Variants in TRDN observed in about 807,000 individuals in gnomAD.
TRDN encodes the protein triadin in skeletal muscle.
In TRDN, 161 loss-of-function variants were observed where a neutral mutation model predicts 149.7. That is an observed-to-expected ratio of 1.08 (90% CI 0.95 to 1.23). The LOEUF (loss-of-function observed/expected upper bound fraction) is 1.23. TRDN is among the 50% of genes most tolerant of loss of function. TRDN has a pLI of 0.00. For synonymous variants in TRDN, 294 were observed against 250.5 expected (o/e 1.17, Z -1.64); for missense variants, 896 against 823.5 (o/e 1.09, Z -1.08).
chr6:123,487,123 T>C (rs1778009170), intron 9 of TRDN, among the ~76,000 whole-genome samples: 2 of 152,024 alleles, frequency 1.3e-5, no homozygotes, highest in African/African-American at 4.8e-5. Flanking sequence ...CAGAGAGCCA[T>C]GTGCTGTAAA....
chr6:123,499,382 A>G (rs1055218288), intron 8 of TRDN, among the ~76,000 whole-genome samples: 1 of 152,068 alleles, frequency 6.6e-6, no homozygotes, highest in East Asian at 1.9e-4. Context: ...AAATATTATC[A>G]AAGTACAGTC....
intron 1 of TRDN, among the ~76,000 whole-genome samples, chr6:123,617,886 C>T (rs953517157): frequency 2.0e-5 from 3 of 151,872 alleles, no homozygotes; most frequent in African/African-American, 4.8e-5. Context: ...GACAGGTGCC[C>T]GCCAACACAC....
chr6:123,249,735 C>T (rs1466238329), intron 38 of TRDN, among the ~76,000 whole-genome samples: 1 of 151,906 alleles, frequency 6.6e-6, no homozygotes, highest in Admixed American at 6.6e-5. Context: ...ATGATGTGTA[C>T]ACATGGACAT....
intron 10 of TRDN, among the ~76,000 whole-genome samples, chr6:123,446,986 G>A (rs992280812): frequency 6.6e-6 from 1 of 152,014 alleles, no homozygotes; most frequent in African/African-American, 2.4e-5. Context: ...TAGCAACATG[G>A]TAAGAGTACC....
intron 24 of TRDN, among the ~76,000 whole-genome samples, chr6:123,287,383 T>G (rs1054709943): frequency 2.5e-4 from 38 of 152,144 alleles, no homozygotes; most frequent in Non-Finnish European, 8.8e-5. Flanking sequence ...AAGGCAGTGG[T>G]TCTCAAACAA....
intron 38 of TRDN, among the ~76,000 whole-genome samples, chr6:123,244,737 A>G (rs984294387): frequency 6.6e-6 from 1 of 152,178 alleles, no homozygotes; most frequent in African/African-American, 2.4e-5. Flanking sequence ...TTCAGGAAAT[A>G]CAGAGAACAC....
chr6:123,467,296 A>T (rs186202780), intron 9 of TRDN, among the ~76,000 whole-genome samples: 1 of 150,926 alleles, frequency 6.6e-6, no homozygotes, highest in African/African-American at 2.4e-5. Context: ...GAGGGATTCC[A>T]GGTGGAAGGT....
intron 38 of TRDN, among the ~76,000 whole-genome samples, chr6:123,235,352 T>C (rs1159036011): frequency 6.6e-6 from 1 of 151,974 alleles, no homozygotes; most frequent in Admixed American, 6.6e-5. Flanking sequence ...CCTGTGACCT[T>C]GGGAAACTGA....
intron 24 of TRDN, among the ~76,000 whole-genome samples, chr6:123,301,458 C>T (rs1297456021): frequency 6.6e-6 from 1 of 151,690 alleles, no homozygotes; most frequent in African/African-American, 2.4e-5. Context: ...CTTTGTGAGT[C>T]CACTTCCCTG....
chr6:123,569,545 G>T (rs778973941), intron 2 of TRDN, among the ~76,000 whole-genome samples: 1 of 152,068 alleles, frequency 6.6e-6, no homozygotes, highest in East Asian at 1.9e-4. Context: ...CTTAAGACTG[G>T]GTAATTTATA....
intron 12 of TRDN, among the ~76,000 whole-genome samples, chr6:123,413,833 T>C (rs896187687): frequency 6.6e-6 from 1 of 152,116 alleles, no homozygotes; most frequent in Admixed American, 6.5e-5. Context: ...TAGTCAACAG[T>C]GTCAAATGCA....
chr6:123,596,409 A>G (rs1784039628), intron 1 of TRDN, among the ~76,000 whole-genome samples: 1 of 152,086 alleles, frequency 6.6e-6, no homozygotes, highest in Non-Finnish European at 1.5e-5. Context: ...AATGTAGAGG[A>G]TATATGCTGC....
At chr6:123,503,697 G>C (rs1251420235) in intron 8 of TRDN, 22 bp downstream of exon 8, 1 of 1,613,240 alleles carries the variant, frequency 6.2e-7, no homozygotes, top group East Asian at 2.2e-5. Context: ...ACCTCCGGCA[G>C]CCTCCTGCTC....
chr6:123,237,312 C>A (rs1034271581), intron 38 of TRDN, among the ~76,000 whole-genome samples: 1 of 152,004 alleles, frequency 6.6e-6, no homozygotes, highest in African/African-American at 2.4e-5. Flanking sequence ...TGCAGTGGCA[C>A]AATCTTGGCT....
intron 14 of TRDN, among the ~76,000 whole-genome samples, chr6:123,382,661 G>T (rs1258030707): frequency 2.0e-5 from 3 of 151,952 alleles, no homozygotes; most frequent in Non-Finnish European, 2.9e-5. Context: ...TAATGGAAAA[G>T]AAATAGATTA....
At chr6:123,280,652 C>CTTTTTTTTTTTTT (rs34195939) in intron 24 of TRDN, among the ~76,000 whole-genome samples, 1 of 135,538 alleles carries the variant, frequency 7.4e-6, no homozygotes. Context: ...TCTTTTCTTT[C>CTTTTTTTTTTTTT]TTTTTTTTTT....
intron 1 of TRDN, among the ~76,000 whole-genome samples, chr6:123,623,149 C>T (rs1288977396): frequency 6.6e-6 from 1 of 151,970 alleles, no homozygotes; most frequent in African/African-American, 2.4e-5. Flanking sequence ...TCTTTTTGCC[C>T]TGTATTTCCC....
intron 21 of TRDN, chr6:123,349,644 T>C: frequency 2.1e-6 from 2 of 937,088 alleles, no homozygotes; most frequent in Non-Finnish European, 2.5e-6. Flanking sequence ...TGTTTCTGTC[T>C]TTTTTTATAA....
At chr6:123,234,897 G>A (rs1775729199) in intron 38 of TRDN, among the ~76,000 whole-genome samples, 1 of 152,114 alleles carries the variant, frequency 6.6e-6, no homozygotes, top group Admixed American at 6.6e-5. Context: ...AAGTGTGCAA[G>A]GAGCAAAATG....
Sources: gnomAD v4.1 joint callset for allele counts (sites outside exome capture counted in the v4.1 genomes callset) on GRCh38, gnomAD v4.1.1 for gene constraint, MANE v1.5 for transcripts, NCBI Gene and HGNC (gene_info 2026-07-23, HGNC 2026-07-21) for gene names.